The following CREB5 variants were observed in gnomAD, a reference collection of about 807,000 sequenced individuals.
CREB5 encodes cAMP responsive element binding protein 5.
Under a neutral mutation model 57.1 loss-of-function variants are expected in CREB5, and 19 were observed. That is an observed-to-expected ratio of 0.33 (90% confidence interval 0.23 to 0.49). The LOEUF is 0.49. CREB5 is among the 20% of genes least tolerant of loss of function. The probability of loss-of-function intolerance (pLI) is 0.99; values close to 1 mark genes in which losing one functional copy is unlikely to be tolerated. For synonymous variants in CREB5, 238 were observed against 238.3 expected, an observed-to-expected ratio of 1.00 and a Z score of 0.01; for missense variants, 579 against 671.6, an observed-to-expected ratio of 0.86 and a Z score of 1.52.
intron 1 of CREB5, among the ~76,000 whole-genome samples, chr7:28,362,928 C>T (rs144979534): frequency 1.1e-3 from 170 of 152,144 alleles, no homozygotes; most frequent in African/African-American, 3.9e-3. Context: ...CTAAATGAGA[C>T]CATGTGTGCA....
chr7:28,714,093 C>A (rs2128744482), intron 5 of CREB5, among the ~76,000 whole-genome samples: 1 of 152,046 alleles, frequency 6.6e-6, no homozygotes, highest in South Asian at 2.1e-4. Flanking sequence ...ATCCTCTCAC[C>A]TCAGCCTCCA....
At chr7:28,657,738 A>AAAAAAAAT (rs1554281277) in intron 5 of CREB5, among the ~76,000 whole-genome samples, 6 of 139,878 alleles carry the variant, frequency 4.3e-5, no homozygotes, top group Non-Finnish European at 3.1e-5. Context: ...AAAAAAAAAA[A>AAAAAAAAT]GAATAAAATT....
intron 1 of CREB5, among the ~76,000 whole-genome samples, chr7:28,325,469 AAT>A (rs1785576872): frequency 1.4e-5 from 2 of 148,144 alleles, no homozygotes; most frequent in Admixed American, 1.3e-4. Context: ...AAAAAAAAAA[AAT>A]GTAAATCAAA....
intron 5 of CREB5, among the ~76,000 whole-genome samples, chr7:28,591,120 A>G (rs942431922): frequency 6.6e-6 from 1 of 152,212 alleles, no homozygotes; most frequent in African/African-American, 2.4e-5. Flanking sequence ...TCCAAACAGG[A>G]TGACCAACTG....
chr7:28,505,271 TC>T (rs1562761938), intron 3 of CREB5, among the ~76,000 whole-genome samples: 2 of 152,190 alleles, frequency 1.3e-5, no homozygotes, highest in Admixed American at 1.3e-4. Flanking sequence ...CACTCTCAGA[TC>T]TTGTCCATAC....
chr7:28,772,234 G>C (rs562312833), intron 7 of CREB5, among the ~76,000 whole-genome samples: 1 of 152,250 alleles, frequency 6.6e-6, no homozygotes, highest in South Asian at 2.1e-4. Context: ...GGACCTGTTG[G>C]CTCAGGTTTA....
chr7:28,713,699 C>A (rs145742062), intron 5 of CREB5, among the ~76,000 whole-genome samples: 1 of 152,188 alleles, frequency 6.6e-6, no homozygotes, highest in East Asian at 1.9e-4. Context: ...GTTTTCAAGT[C>A]CTGAAATCCG....
intron 7 of CREB5, among the ~76,000 whole-genome samples, chr7:28,746,416 G>C (rs1056442345): frequency 6.6e-6 from 1 of 152,124 alleles, no homozygotes; most frequent in Non-Finnish European, 1.5e-5. Flanking sequence ...CTCAAAGTGG[G>C]GTCCCTTGAC....
intron 1 of CREB5, among the ~76,000 whole-genome samples, chr7:28,348,984 CAT>C: frequency 6.6e-6 from 1 of 152,188 alleles, no homozygotes; most frequent in East Asian, 1.9e-4. Flanking sequence ...TGGGGAAAGA[CAT>C]GTGGTGTAGG....
At chr7:28,767,020 T>TTTTG in intron 7 of CREB5, among the ~76,000 whole-genome samples, 1 of 152,350 alleles carries the variant, frequency 6.6e-6, no homozygotes, top group South Asian at 2.1e-4. Context: ...GTTCTGCTTC[T>TTTTG]TTTGTTTGAG....
At chr7:28,680,971 C>T (rs558223486) in intron 5 of CREB5, among the ~76,000 whole-genome samples, 5 of 152,244 alleles carry the variant, frequency 3.3e-5, no homozygotes, top group Non-Finnish European at 7.4e-5. Context: ...TTTAGCTGCT[C>T]TCACCTCAAG....
intron 1 of CREB5, among the ~76,000 whole-genome samples, chr7:28,342,947 T>A (rs1427295032): frequency 6.6e-6 from 1 of 152,128 alleles, no homozygotes; most frequent in African/African-American, 2.4e-5. Flanking sequence ...GTAATACTTT[T>A]TTTTTTTTCT....
At chr7:28,491,217 G>A in intron 2 of CREB5, 2 of 985,452 alleles carry the variant, frequency 2.0e-6, no homozygotes, top group Non-Finnish European at 2.4e-6. Flanking sequence ...TTAAAGGATA[G>A]CCGAGCTGGA....
chr7:28,560,889 T>TGGGTGTGTGC (rs1310018316), intron 4 of CREB5, among the ~76,000 whole-genome samples: 1 of 18,210 alleles, frequency 5.5e-5, no homozygotes, highest in South Asian at 2.8e-3. Context: ...CGTGCGTGCG[T>TGGGTGTGTGC]GTGTGTGCGT....
intron 5 of CREB5, among the ~76,000 whole-genome samples, chr7:28,629,912 G>A (rs1798140538): frequency 6.6e-6 from 1 of 152,192 alleles, no homozygotes; most frequent in South Asian, 2.1e-4. Context: ...GATTTGAAAG[G>A]ATAGGCTTCT....
At chr7:28,373,438 C>CT (rs1249190360) in intron 1 of CREB5, among the ~76,000 whole-genome samples, 2 of 100,064 alleles carry the variant, frequency 2.0e-5, no homozygotes, top group African/African-American at 9.0e-5. Flanking sequence ...TTCTTTTTTT[C>CT]TTTTTTCTTT....
chr7:28,410,304 C>T (rs1787725677), upstream of CREB5: 1 of 456,534 alleles, frequency 2.2e-6, no homozygotes, highest in Non-Finnish European at 4.4e-6. Flanking sequence ...GCATCGTTAC[C>T]TCTTCCCGGC....
intron 5 of CREB5, among the ~76,000 whole-genome samples, chr7:28,683,013 T>C (rs1400108550): frequency 6.6e-6 from 1 of 152,174 alleles, no homozygotes; most frequent in Non-Finnish European, 1.5e-5. Context: ...TCCCCAAGGA[T>C]GACACGCTCT....
At chr7:28,728,677 G>T (rs549819643) in intron 7 of CREB5, among the ~76,000 whole-genome samples, 1 of 152,264 alleles carries the variant, frequency 6.6e-6, no homozygotes, top group South Asian at 2.1e-4. Flanking sequence ...CCTTGAAGAT[G>T]ATCTTTGCAT....
Sources: gnomAD v4.1 joint callset for allele counts (sites outside exome capture counted in the v4.1 genomes callset) on GRCh38, gnomAD v4.1.1 for gene constraint, MANE v1.5 for transcripts, NCBI Gene and HGNC (gene_info 2026-07-23, HGNC 2026-07-21) for gene names.